Variants in TUSC3 observed in about 807,000 individuals in gnomAD.
TUSC3 encodes the protein tumor suppressor candidate 3.
In TUSC3, 45 loss-of-function variants were observed where a neutral mutation model predicts 44.8. The observed-to-expected ratio is 1.00, with a 90% CI of 0.79 to 1.29. The LOEUF (loss-of-function observed/expected upper bound fraction) is 1.29. Among genes scored for constraint, TUSC3 ranks in the 50% most tolerant of loss-of-function variants. The pLI is 0.00. For missense variants in TUSC3, 519 were observed against 437.9 expected (o/e 1.19, Z -1.65); for synonymous variants, 212 against 152.9 (o/e 1.39, Z -2.85).
intron 3 of TUSC3, among the ~76,000 whole-genome samples, chr8:15,655,596 T>C (rs952696067): frequency 2.6e-5 from 4 of 152,222 alleles, no homozygotes; most frequent in African/African-American, 9.6e-5. Context: ...CTTCTATTCC[T>C]GCTCCAAAAC....
chr8:15,661,716 A>G (rs1807435270), intron 4 of TUSC3, among the ~76,000 whole-genome samples: 1 of 152,024 alleles, frequency 6.6e-6, no homozygotes, highest in Admixed American at 6.6e-5. Flanking sequence ...TTCGTGTTTT[A>G]AAGGATACCG....
At chr8:15,431,246 T>C (rs1799868986) in intron 1 of TUSC3, among the ~76,000 whole-genome samples, 2 of 151,690 alleles carry the variant, frequency 1.3e-5, no homozygotes, top group African/African-American at 4.9e-5. Context: ...CATTAGAATT[T>C]GATAGGGATA....
intron 2 of TUSC3, among the ~76,000 whole-genome samples, chr8:15,517,628 T>C (rs9325757): frequency 6.6e-6 from 1 of 150,750 alleles, no homozygotes; most frequent in East Asian, 2.0e-4. Flanking sequence ...TTACAAAATT[T>C]ACGAATGTAT....
At chr8:15,743,931 T>G (rs551544170) in intron 8 of TUSC3, among the ~76,000 whole-genome samples, 2 of 152,074 alleles carry the variant, frequency 1.3e-5, no homozygotes, top group African/African-American at 2.4e-5. Flanking sequence ...AGATGGAAAA[T>G]TTTGAGGGCA....
intron 5 of TUSC3, among the ~76,000 whole-genome samples, chr8:15,672,568 G>A (rs354514): frequency 1.3e-5 from 2 of 151,910 alleles, no homozygotes; most frequent in African/African-American, 4.8e-5. Context: ...CCATTCCCAA[G>A]TATTATGATA....
At chr8:15,621,563 ATATT>A (rs960026610) in intron 1 of TUSC3, among the ~76,000 whole-genome samples, 1 of 147,796 alleles carries the variant, frequency 6.8e-6, no homozygotes, top group African/African-American at 2.5e-5. Flanking sequence ...TTATATATAT[ATATT>A]TAACTCAGAC....
rs141394891 is a variant in TUSC3, at chr8:15,464,634, G to A, written n.92-18752G>A. Among the ~76,000 whole-genome samples the A allele has an allele frequency of 1.4e-4, 22 of 152,216 alleles. 1 individual carries two copies. The highest frequency in any genetic ancestry group is 5.1e-4 in the African/African-American group (21 of 41,546). On this transcript the variant is annotated intron_variant and non_coding_transcript_variant, in intron 1 of 5. Coordinates refer to the TUSC3 transcript ENST00000503191. ...AACTTTAAGTTACCTCAGTATATCA[G>A]TTAGCTTTAATTTTTCAGTTGGAGA... is the stretch of plus-strand genomic sequence containing the variant.
intron 1 of TUSC3, among the ~76,000 whole-genome samples, chr8:15,570,424 A>C (rs775150739): frequency 6.6e-6 from 1 of 152,126 alleles, no homozygotes; most frequent in Non-Finnish European, 1.5e-5. Context: ...ATAGCATATG[A>C]AGCTACATAA....
intron 1 of TUSC3, among the ~76,000 whole-genome samples, chr8:15,464,422 T>C (rs1352220483): frequency 6.6e-6 from 1 of 152,196 alleles, no homozygotes; most frequent in Non-Finnish European, 1.5e-5. Flanking sequence ...GGATCCCTAT[T>C]ATGTGCCAAG....
intron 2 of TUSC3, among the ~76,000 whole-genome samples, chr8:15,504,578 GATATATATATATATAT>G (rs1158864721): frequency 0.019 from 650 of 33,400 alleles, 14 homozygotes; most frequent in South Asian, 0.065. Flanking sequence ...CAACTTTCAG[GATATATATATATATAT>G]ATATATATAT....
intron 1 of TUSC3, among the ~76,000 whole-genome samples, chr8:15,618,758 T>C (rs1383219206): frequency 6.6e-6 from 1 of 152,236 alleles, no homozygotes; most frequent in East Asian, 1.9e-4. Context: ...CGTAATTGCA[T>C]GTGCTGTGTT....
chr8:15,430,316 G>A (rs1372257608), intron 1 of TUSC3, among the ~76,000 whole-genome samples: 2 of 149,480 alleles, frequency 1.3e-5, no homozygotes, highest in South Asian at 2.1e-4. Context: ...AGGCAAGGCT[G>A]GTTCAACATA....
intron 2 of TUSC3, among the ~76,000 whole-genome samples, chr8:15,639,408 A>G (rs1806258584): frequency 6.6e-6 from 1 of 152,244 alleles, no homozygotes; most frequent in African/African-American, 2.4e-5. Context: ...TATTGATGAA[A>G]AACTCATTGA....
chr8:15,845,171 C>T, the TUSC3 span, among the ~76,000 whole-genome samples: 5 of 152,050 alleles, frequency 3.3e-5, no homozygotes, highest in Non-Finnish European at 5.9e-5. Flanking sequence ...GATTTTAAGT[C>T]CCTCGGATAA....
chr8:15,563,709 C>T (rs368322211), intron 1 of TUSC3, among the ~76,000 whole-genome samples: 1 of 104,910 alleles, frequency 9.5e-6, no homozygotes, highest in Non-Finnish European at 2.1e-5. Context: ...AAAAAAAGAA[C>T]AACCTGGAAC....
chr8:15,775,437 A>G, the TUSC3 span, among the ~76,000 whole-genome samples: 1 of 152,122 alleles, frequency 6.6e-6, no homozygotes, highest in African/African-American at 2.4e-5. Context: ...TATTAAGTTT[A>G]AAATGATTAA....
the TUSC3 span, among the ~76,000 whole-genome samples, chr8:15,772,251 A>G: frequency 6.6e-6 from 1 of 152,112 alleles, no homozygotes; most frequent in African/African-American, 2.4e-5. Context: ...AGTCAATGAA[A>G]CCGAAAGTTG....
intron 1 of TUSC3, among the ~76,000 whole-genome samples, chr8:15,428,987 T>G (rs1799838780): frequency 6.6e-6 from 1 of 152,240 alleles, no homozygotes; most frequent in African/African-American, 2.4e-5. Flanking sequence ...ACATCCCATT[T>G]GTCAATTTTG....
At chr8:15,649,520 C>T (rs562161656) in intron 2 of TUSC3, among the ~76,000 whole-genome samples, 1 of 150,998 alleles carries the variant, frequency 6.6e-6, no homozygotes, top group Admixed American at 6.6e-5. Context: ...GGAGGCGGAG[C>T]TTGCAGTGAG....
Sources: gnomAD v4.1 joint callset for allele counts (sites outside exome capture counted in the v4.1 genomes callset) on GRCh38, gnomAD v4.1.1 for gene constraint, MANE v1.5 for transcripts, NCBI Gene and HGNC (gene_info 2026-07-23, HGNC 2026-07-21) for gene names.